Variants in TMEM232 observed in about 807,000 individuals in gnomAD.
The protein encoded by TMEM232 is transmembrane protein 232.
Under a neutral mutation model 78.8 loss-of-function variants are expected in TMEM232, and 80 were observed. The observed-to-expected ratio is 1.01, with a 90% CI of 0.85 to 1.22. TMEM232 has a LOEUF of 1.22. Among genes scored for constraint, TMEM232 ranks in the 50% most tolerant of loss-of-function variants. TMEM232 has a pLI of 0.00. For missense variants in TMEM232, 881 were observed against 742.2 expected (o/e 1.19, Z -2.17); for synonymous variants, 297 against 254.3 (o/e 1.17, Z -1.60).
chr5:110,714,323 T>G (rs1580767797), intron 1 of TMEM232, among the ~76,000 whole-genome samples: 1 of 152,130 alleles, frequency 6.6e-6, no homozygotes. Flanking sequence ...CTATATACAG[T>G]GGTAACTACA....
At chr5:110,474,226 A>T (rs1186786725) in intron 12 of TMEM232, among the ~76,000 whole-genome samples, 3 of 151,964 alleles carry the variant, frequency 2.0e-5, no homozygotes, top group Non-Finnish European at 4.4e-5. Context: ...ATGTACTTAC[A>T]CTGAAATGTC....
At chr5:110,429,815 T>C (rs1174481279) in intron 12 of TMEM232, 3 of 151,924 alleles carry the variant, frequency 2.0e-5, no homozygotes, top group South Asian at 2.1e-4. Flanking sequence ...AGATTCATCA[T>C]AGATTAATGA....
intron 1 of TMEM232, among the ~76,000 whole-genome samples, chr5:110,736,171 G>A (rs989277646): frequency 1.3e-5 from 2 of 152,166 alleles, no homozygotes; most frequent in Admixed American, 6.6e-5. Flanking sequence ...TCTCAAACTA[G>A]TTTGAAGCAA....
At chr5:110,634,253 C>T (rs1156364743) in intron 5 of TMEM232, among the ~76,000 whole-genome samples, 2 of 151,988 alleles carry the variant, frequency 1.3e-5, no homozygotes, top group Non-Finnish European at 1.5e-5. Flanking sequence ...TAGTGGAGAA[C>T]TTCAACACTC....
intron 12 of TMEM232, among the ~76,000 whole-genome samples, chr5:110,505,660 C>T (rs982830390): frequency 6.6e-6 from 1 of 152,080 alleles, no homozygotes; most frequent in Non-Finnish European, 1.5e-5. Flanking sequence ...AAGTGCACAA[C>T]CACGCCCTAA....
At chr5:110,435,010 A>T (rs532906370) in intron 12 of TMEM232, among the ~76,000 whole-genome samples, 2 of 152,084 alleles carry the variant, frequency 1.3e-5, no homozygotes, top group African/African-American at 4.8e-5. Context: ...ATTATCACTA[A>T]GAAGTGGAAC....
At chr5:110,653,963 ATAAT>A (rs1181333613) in intron 2 of TMEM232, among the ~76,000 whole-genome samples, 1 of 152,248 alleles carries the variant, frequency 6.6e-6, no homozygotes, top group African/African-American at 2.4e-5. Context: ...TAAGAAAAAA[ATAAT>A]TAATCAAAGG....
chr5:110,720,690 T>C (rs760877052), intron 1 of TMEM232: 2 of 152,154 alleles, frequency 1.3e-5, no homozygotes, highest in Admixed American at 6.6e-5. Flanking sequence ...ACTTCTCATA[T>C]AGAATACCTT....
rs114134278 is a variant in TMEM232, at chr5:110,432,547, G to A, written c.1704-7631C>T. Among the ~76,000 whole-genome samples the A allele has an allele frequency of 5.0e-3, 752 of 151,564 alleles. 6 individuals carry two copies. Among genetic ancestry groups the A allele is most frequent in the African/African-American group, 0.017 (685 of 41,400 alleles). ...AAGCACATGCAAGCACACAACCCAC[G>A]GTCCCTACAAAGCAAGTACATAATC... is the stretch of plus-strand genomic sequence containing the variant. On this transcript the variant is annotated intron_variant, in intron 12 of 13. Coordinates refer to ENST00000455884, the MANE Select transcript of TMEM232 (RefSeq NM_001039763.4).
chr5:110,553,959 A>C (rs1774764906), intron 11 of TMEM232, among the ~76,000 whole-genome samples: 1 of 152,164 alleles, frequency 6.6e-6, no homozygotes, highest in Non-Finnish European at 1.5e-5. Context: ...TTCTGCATCT[A>C]TTAAGATGAT....
At chr5:110,457,043 A>T (rs1439907963) in intron 12 of TMEM232, among the ~76,000 whole-genome samples, 1 of 152,128 alleles carries the variant, frequency 6.6e-6, no homozygotes, top group Non-Finnish European at 1.5e-5. Flanking sequence ...CAAGAATAAA[A>T]ACTTTTCCTC....
At chr5:110,700,897 C>T (rs934421395) in intron 1 of TMEM232, among the ~76,000 whole-genome samples, 1 of 151,774 alleles carries the variant, frequency 6.6e-6, no homozygotes, top group Non-Finnish European at 1.5e-5. Flanking sequence ...CCCACCTTTC[C>T]TAAAGAGCCT....
At chr5:110,694,949 G>A (rs1444538961) in intron 1 of TMEM232, among the ~76,000 whole-genome samples, 1 of 152,090 alleles carries the variant, frequency 6.6e-6, no homozygotes, top group African/African-American at 2.4e-5. Context: ...GCACCAAGAG[G>A]ACTTAATAGA....
Position 110,523,966 on chromosome 5 carries a change from A to AGAG in TMEM232, c.1703+4621_1703+4622insCTC, listed in dbSNP as rs1554098553. 3.2e-4 allele frequency among the ~76,000 whole-genome samples: 13 copies of AGAG among 41,222 alleles called. No homozygotes were observed. The East Asian group carries it at 7.9e-3, about 25-fold the overall frequency. 27.0% of individuals were successfully genotyped at this position (41,222 alleles called of 152,430 possible). On this transcript the variant is annotated intron_variant, in intron 12 of 13. Transcript: ENST00000455884. ...AAAGACTTGGTTTAAAAAAAAAAAA[A>AGAG]GGGGGGGGGGCGGGGGGGCTGGGCC... is the stretch of plus-strand genomic sequence containing the variant.
At chr5:110,618,204 C>T (rs1050521870) in intron 8 of TMEM232, among the ~76,000 whole-genome samples, 5 of 151,900 alleles carry the variant, frequency 3.3e-5, no homozygotes, top group African/African-American at 1.2e-4. Flanking sequence ...AAAAACTATG[C>T]AGTGTATGCG....
At chr5:110,652,612 G>A (rs1489983897) in intron 2 of TMEM232, among the ~76,000 whole-genome samples, 1 of 151,850 alleles carries the variant, frequency 6.6e-6, no homozygotes, top group Non-Finnish European at 1.5e-5. Flanking sequence ...TCCTTTAATT[G>A]GTCTCCTACA....
At chr5:110,686,532 G>C (rs1793430224) in intron 1 of TMEM232, among the ~76,000 whole-genome samples, 1 of 151,692 alleles carries the variant, frequency 6.6e-6, no homozygotes, top group South Asian at 2.1e-4. Context: ...TAATTATCCA[G>C]AGAAGACAGT....
chr5:110,647,246 G>A (rs1387144989), intron 2 of TMEM232, among the ~76,000 whole-genome samples: 1 of 151,850 alleles, frequency 6.6e-6, no homozygotes, highest in African/African-American at 2.4e-5. Context: ...TTAGGTGACT[G>A]CGCATGTGGT....
intron 1 of TMEM232, among the ~76,000 whole-genome samples, chr5:110,672,598 T>C (rs1791505446): frequency 6.6e-6 from 1 of 152,102 alleles, no homozygotes; most frequent in Admixed American, 6.6e-5. Flanking sequence ...CCTCCATAAA[T>C]ATTTAGCATA....
Sources: gnomAD v4.1 joint callset for allele counts (sites outside exome capture counted in the v4.1 genomes callset) on GRCh38, gnomAD v4.1.1 for gene constraint, MANE v1.5 for transcripts, NCBI Gene and HGNC (gene_info 2026-07-23, HGNC 2026-07-21) for gene names.